Variants in RSPO2 observed in about 807,000 individuals in gnomAD.
RSPO2 encodes R-spondin 2.
RSPO2 carries 14 observed loss-of-function variants against 30.9 expected under a neutral mutation model. That is an observed-to-expected ratio of 0.45 (90% CI 0.30 to 0.71). The LOEUF (loss-of-function observed/expected upper bound fraction) is 0.71. RSPO2 is among the 30% of genes least tolerant of loss of function. The pLI is 0.08. For missense variants in RSPO2, 264 were observed against 301.9 expected (o/e 0.87, Z 0.93); for synonymous variants, 107 against 96.4 (o/e 1.11, Z -0.64).
Position 108,008,085 on chromosome 8 carries a change from G to C in RSPO2, c.95-18841C>G, listed in dbSNP as rs375526588. On this transcript the variant is annotated intron_variant, in intron 2 of 5. Coordinates refer to ENST00000276659, the MANE Select transcript of RSPO2 (RefSeq NM_178565.5). ...GCACACACATACACCCAAGGGAGTG[G>C]AGTAAAAGGAGAAATTAGCTATTCT... 7.9e-5 allele frequency among the ~76,000 whole-genome samples: 12 copies of C among 152,236 alleles called. No individual in the cohort carries two copies. In the South Asian group the frequency reaches 2.3e-3, roughly 29 times the overall value.
At chr8:107,906,276 C>T (rs1228513041) in intron 5 of RSPO2, among the ~76,000 whole-genome samples, 1 of 151,798 alleles carries the variant, frequency 6.6e-6, no homozygotes, top group Non-Finnish European at 1.5e-5. Context: ...CCTGACTACA[C>T]TTTTCATGAC....
At chr8:108,005,733 A>AT (rs1815432245) in intron 2 of RSPO2, among the ~76,000 whole-genome samples, 1 of 152,132 alleles carries the variant, frequency 6.6e-6, no homozygotes, top group Non-Finnish European at 1.5e-5. Context: ...AGGAGATGCA[A>AT]TTTATCCTGG....
chr8:108,042,829 TG>T (rs1180503473), intron 2 of RSPO2, among the ~76,000 whole-genome samples: 1 of 152,136 alleles, frequency 6.6e-6, no homozygotes, highest in Non-Finnish European at 1.5e-5. Flanking sequence ...TCAAAGGCTT[TG>T]TTTGGAGTCA....
chr8:107,930,512 G>A (rs1812520604), intron 5 of RSPO2, among the ~76,000 whole-genome samples: 1 of 152,170 alleles, frequency 6.6e-6, no homozygotes, highest in Admixed American at 6.5e-5. Flanking sequence ...GAATGTTGTA[G>A]GTTTACTCAT....
chr8:108,012,886 T>C (rs2514832), intron 2 of RSPO2, among the ~76,000 whole-genome samples: 41,448 of 152,156 alleles, frequency 0.27, 5,822 homozygotes, highest in African/African-American at 0.33. Context: ...ACAACCCTCA[T>C]GTTGGAATTT....
At chr8:108,032,361 GCAAA>G (rs1442996650) in intron 2 of RSPO2, among the ~76,000 whole-genome samples, 4 of 152,096 alleles carry the variant, frequency 2.6e-5, no homozygotes, top group African/African-American at 9.7e-5. Context: ...CTCCTTGAGA[GCAAA>G]CACTCTTAAA....
intron 2 of RSPO2, among the ~76,000 whole-genome samples, chr8:108,025,669 A>G (rs1206606417): frequency 6.6e-6 from 1 of 151,822 alleles, no homozygotes; most frequent in Non-Finnish European, 1.5e-5. Flanking sequence ...GAGACTATGG[A>G]TGCACCCCAC....
chr8:107,976,582 C>T (rs1432602342), intron 3 of RSPO2, among the ~76,000 whole-genome samples: 1 of 152,160 alleles, frequency 6.6e-6, no homozygotes, highest in Non-Finnish European at 1.5e-5. Flanking sequence ...TTCACAGAAC[C>T]ACAGAATGTT....
chr8:107,989,950 C>T (rs1814791190), intron 2 of RSPO2, among the ~76,000 whole-genome samples: 1 of 152,116 alleles, frequency 6.6e-6, no homozygotes, highest in Non-Finnish European at 1.5e-5. Flanking sequence ...AGCAAGTAAA[C>T]CTTCATGAGG....
At chr8:107,977,506 T>G (rs1367828774) in intron 3 of RSPO2, among the ~76,000 whole-genome samples, 2 of 152,122 alleles carry the variant, frequency 1.3e-5, no homozygotes, top group Non-Finnish European at 2.9e-5. Context: ...ACTCCCATCT[T>G]TGGGAATGAT....
rs762388519 is a variant in RSPO2 at position 108,082,533 on chromosome 8, A to C, written c.94+12T>G. 1.2e-6 allele frequency: 2 copies of C among 1,610,016 alleles called. No homozygotes were observed. Among genetic ancestry groups the C allele is most frequent in the Non-Finnish European group, 1.7e-6 (2 of 1,176,292 alleles). Reference sequence around the variant, plus strand: ...GAAGCCCACCACGCACCTTTGGCAGAGAGGGACCCACCTCGCTTACTGCGT... The same window carrying C: ...GAAGCCCACCACGCACCTTTGGCAGCGAGGGACCCACCTCGCTTACTGCGT... On this transcript the variant is annotated intron_variant, in intron 2 of 5. Coordinates refer to ENST00000276659, the MANE Select transcript of RSPO2 (RefSeq NM_178565.5).
intron 2 of RSPO2, among the ~76,000 whole-genome samples, chr8:107,989,755 A>G (rs1244658418): frequency 1.3e-5 from 2 of 152,188 alleles, no homozygotes; most frequent in African/African-American, 4.8e-5. Context: ...TCCAAATCAA[A>G]ATTATCATTG....
intron 5 of RSPO2, among the ~76,000 whole-genome samples, chr8:107,938,416 T>C (rs1416451726): frequency 6.6e-6 from 1 of 152,152 alleles, no homozygotes; most frequent in Non-Finnish European, 1.5e-5. Flanking sequence ...CTTGTCAAAA[T>C]ATACATTCTC....
intron 2 of RSPO2, among the ~76,000 whole-genome samples, chr8:108,050,473 A>G (rs1812044432): frequency 6.6e-6 from 1 of 152,170 alleles, no homozygotes; most frequent in African/African-American, 2.4e-5. Flanking sequence ...GATAAAGTAA[A>G]TATGGAAATA....
At chr8:108,023,135 CTCAA>C (rs1204020748) in intron 2 of RSPO2, among the ~76,000 whole-genome samples, 7 of 152,108 alleles carry the variant, frequency 4.6e-5, no homozygotes, top group Non-Finnish European at 1.0e-4. Flanking sequence ...AATAAAATGA[CTCAA>C]TCAAGTTTTC....
chr8:107,924,406 G>C (rs987262917), intron 5 of RSPO2, among the ~76,000 whole-genome samples: 1 of 151,874 alleles, frequency 6.6e-6, no homozygotes, highest in African/African-American at 2.4e-5. Context: ...GAGAGGAGGG[G>C]ATCAGTATTA....
chr8:108,017,931 C>T (rs1430078027), intron 2 of RSPO2, among the ~76,000 whole-genome samples: 8 of 152,092 alleles, frequency 5.3e-5, no homozygotes, highest in Admixed American at 2.6e-4. Context: ...CTTTAAGTTC[C>T]TAGATTTGTT....
intron 2 of RSPO2, among the ~76,000 whole-genome samples, chr8:108,044,490 G>A (rs796143011): frequency 6.6e-5 from 10 of 151,964 alleles, no homozygotes; most frequent in African/African-American, 1.7e-4. Flanking sequence ...GCATTAACTC[G>A]CATAGGATAA....
intron 2 of RSPO2, among the ~76,000 whole-genome samples, chr8:108,053,641 A>T (rs542542098): frequency 6.6e-6 from 1 of 152,242 alleles, no homozygotes; most frequent in East Asian, 1.9e-4. Flanking sequence ...GAAGAAATTT[A>T]ATATTTTCTA....
Sources: gnomAD v4.1 joint callset for allele counts (sites outside exome capture counted in the v4.1 genomes callset) on GRCh38, gnomAD v4.1.1 for gene constraint, MANE v1.5 for transcripts, NCBI Gene and HGNC (gene_info 2026-07-23, HGNC 2026-07-21) for gene names.